The following NRG4 variants were observed in gnomAD, a reference collection of about 807,000 sequenced individuals.
NRG4 encodes neuregulin 4.
In NRG4, 10 loss-of-function variants were observed where a neutral mutation model predicts 15.0. That is an observed-to-expected ratio of 0.67 (90% CI 0.41 to 1.13). NRG4 has a LOEUF of 1.13. Ranked by LOEUF, NRG4 falls within the 50% of genes most tolerant of loss-of-function variation. The pLI, the probability that NRG4 is intolerant of heterozygous loss-of-function variation, is 0.00. For missense variants in NRG4, 139 were observed against 140.2 expected, an observed-to-expected ratio of 0.99 and a Z score of 0.04; for synonymous variants, 41 against 50.1, an observed-to-expected ratio of 0.82 and a Z score of 0.77.
chr15:75,997,529 C>A (rs2141884410), intron 3 of NRG4, among the ~76,000 whole-genome samples: 1 of 151,808 alleles, frequency 6.6e-6, no homozygotes. Context: ...TATTAGAGAA[C>A]AACAGACACA....
chr15:75,968,718 T>C (rs952735896), intron 3 of NRG4, among the ~76,000 whole-genome samples: 1 of 151,374 alleles, frequency 6.6e-6, no homozygotes, highest in Non-Finnish European at 1.5e-5. Flanking sequence ...CTGGGCAACA[T>C]AGCAAGACCC....
chr15:76,028,840 G>C (rs746003210), intron 5 of NRG4, among the ~76,000 whole-genome samples: 1 of 145,720 alleles, frequency 6.9e-6, no homozygotes. Context: ...GGGAAGGTAG[G>C]TTGCAGTGAA....
intron 3 of NRG4, among the ~76,000 whole-genome samples, chr15:75,975,746 GGGT>G (rs2033337872): frequency 6.6e-6 from 1 of 152,068 alleles, no homozygotes; most frequent in Non-Finnish European, 1.5e-5. Context: ...TTCCCTTTGT[GGGT>G]AGGTAACCCG....
intron 3 of NRG4, chr15:76,005,699 A>G (rs1017459878): frequency 1.8e-5 from 6 of 324,690 alleles, no homozygotes; most frequent in Middle Eastern, 1.1e-3. Context: ...AAAAAAAAAA[A>G]GGAAAGAAAA....
chr15:75,992,496 A>G (rs751396556), intron 3 of NRG4, among the ~76,000 whole-genome samples: 6 of 152,116 alleles, frequency 3.9e-5, no homozygotes, highest in Non-Finnish European at 7.4e-5. Context: ...TATTATTTAT[A>G]TGATATAATT....
chr15:75,982,625 T>C (rs2033648455), intron 3 of NRG4, among the ~76,000 whole-genome samples: 1 of 152,202 alleles, frequency 6.6e-6, no homozygotes, highest in Non-Finnish European at 1.5e-5. Context: ...GAGGTCACGC[T>C]AGTTTGGAGG....
Position 75,955,889 on chromosome 15 carries a change from C to T in NRG4, c.331+43G>A, listed in dbSNP as rs374839243. The T allele has an allele frequency of 4.3e-5, 47 of 1,095,642 alleles. No homozygotes were observed. In the East Asian group the frequency reaches 7.6e-4, roughly 18 times the overall value. 67.9% of individuals were successfully genotyped at this position (1,095,642 alleles called of 1,614,324 possible). On this transcript the variant is annotated intron_variant, in intron 5 of 5. Transcript: ENST00000394907. ...TCCCTACATCTAACAACAACAGTCT[C>T]ATCTAGGGTTTTAAAATAAGCATTT...
chr15:76,015,592 T>C (rs1312525038), upstream of NRG4, among the ~76,000 whole-genome samples: 1 of 152,232 alleles, frequency 6.6e-6, no homozygotes, highest in Non-Finnish European at 1.5e-5. Context: ...TTTCTGCATC[T>C]ATTGAGATAC....
At chr15:75,982,295 G>GC (rs2141853693) in intron 3 of NRG4, among the ~76,000 whole-genome samples, 1 of 152,180 alleles carries the variant, frequency 6.6e-6, no homozygotes, top group South Asian at 2.1e-4. Context: ...TAGTAAGTGG[G>GC]CCATACTCCA....
chr15:75,956,136 G>C (rs2032227080), intron 4 of NRG4, 125 bp from the exon 5 acceptor site: 1 of 614,096 alleles, frequency 1.6e-6, no homozygotes. Flanking sequence ...CACATCAAAT[G>C]AAAGTATAAA....
At chr15:75,944,690 C>G (rs1485984251) in intron 5 of NRG4, among the ~76,000 whole-genome samples, 1 of 152,178 alleles carries the variant, frequency 6.6e-6, no homozygotes, top group Non-Finnish European at 1.5e-5. Flanking sequence ...TCATAATCGG[C>G]TCTCCTCATC....
intron 3 of NRG4, chr15:75,969,306 T>G (rs544254166): frequency 2.2e-6 from 1 of 444,552 alleles, no homozygotes; most frequent in Admixed American, 2.4e-5. Context: ...GAAAATGAAC[T>G]CTTACTGATG....
intron 4 of NRG4, among the ~76,000 whole-genome samples, chr15:76,036,550 T>A (rs915631752): frequency 1.3e-5 from 2 of 152,208 alleles, no homozygotes; most frequent in Non-Finnish European, 2.9e-5. Context: ...TTGCACCCTA[T>A]AATGGGTGTG....
intron 3 of NRG4, among the ~76,000 whole-genome samples, chr15:75,982,468 C>T (rs1426491400): frequency 6.6e-6 from 1 of 152,128 alleles, no homozygotes; most frequent in Non-Finnish European, 1.5e-5. Flanking sequence ...ATGAGAGGTT[C>T]CACTTCTGGG....
chr15:75,952,523 T>A (rs1414395910), intron 5 of NRG4, among the ~76,000 whole-genome samples: 1 of 151,964 alleles, frequency 6.6e-6, no homozygotes, highest in East Asian at 1.9e-4. Context: ...TTGGCTATTA[T>A]AAATAATGCT....
intron 3 of NRG4, among the ~76,000 whole-genome samples, chr15:75,973,375 T>C (rs766102906): frequency 6.6e-6 from 1 of 152,230 alleles, no homozygotes; most frequent in Admixed American, 6.5e-5. Context: ...TCTTGCCTGA[T>C]TGCCCTGGCC....
chr15:76,009,878 C>A (rs1443775291), intron 2 of NRG4, among the ~76,000 whole-genome samples: 2 of 152,078 alleles, frequency 1.3e-5, no homozygotes, highest in Non-Finnish European at 2.9e-5. Context: ...TAAGGCATAT[C>A]TAAAGTTGCA....
chr15:76,026,311 A>T (rs1032402913), intron 5 of NRG4, among the ~76,000 whole-genome samples: 2 of 152,244 alleles, frequency 1.3e-5, no homozygotes, highest in Non-Finnish European at 2.9e-5. Context: ...ATTAAGTCAC[A>T]TATGAGGGAA....
In NRG4 at chr15:75,969,283, G is replaced by C; in HGVS notation, c.105-7309C>G. Reference sequence around the variant, plus strand: ...AAAGTCACAGTTGTTACTCTGCGTGGTATTCCTACATAGAAAATGAACTCT... The same window carrying C: ...AAAGTCACAGTTGTTACTCTGCGTGCTATTCCTACATAGAAAATGAACTCT... On this transcript the variant is annotated intron_variant, in intron 3 of 5. Coordinates refer to ENST00000394907, the MANE Select transcript of NRG4 (RefSeq NM_138573.4). 3 of 452,782 alleles carry C rather than the reference G, an allele frequency of 6.6e-6. No homozygotes were observed. The Middle Eastern group carries it at 9.8e-4, about 148-fold the overall frequency. 28.0% of individuals were successfully genotyped at this position (452,782 alleles called of 1,614,324 possible).
Sources: gnomAD v4.1 joint callset for allele counts (sites outside exome capture counted in the v4.1 genomes callset) on GRCh38, gnomAD v4.1.1 for gene constraint, MANE v1.5 for transcripts, NCBI Gene and HGNC (gene_info 2026-07-23, HGNC 2026-07-21) for gene names.